Variants in CSMD1 observed in about 807,000 individuals in gnomAD.
The protein encoded by CSMD1 is CUB and Sushi multiple domains 1.
Under a neutral mutation model 417.5 loss-of-function variants are expected in CSMD1, and 213 were observed. The ratio of observed to expected loss-of-function variants is 0.51; its 90% confidence interval spans 0.46 to 0.57. The LOEUF (loss-of-function observed/expected upper bound fraction) is 0.57, where lower values mean the gene tolerates loss of function less well. CSMD1 is among the 20% of genes least tolerant of loss of function. The probability of loss-of-function intolerance (pLI) is 0.00; values close to 1 mark genes in which losing one functional copy is unlikely to be tolerated. For missense variants in CSMD1, 6,923 were observed against 4,529.7 expected, an observed-to-expected ratio of 1.53 and a Z score of -15.17; for synonymous variants, 2,862 against 1,736.8, an observed-to-expected ratio of 1.65 and a Z score of -16.11.
At chr8:3,306,535 C>A (rs1029161362) in intron 25 of CSMD1, among the ~76,000 whole-genome samples, 1 of 152,118 alleles carries the variant, frequency 6.6e-6, no homozygotes, top group Non-Finnish European at 1.5e-5. Flanking sequence ...TGGGCTGATT[C>A]ATTTAGTCTT....
intron 12 of CSMD1, among the ~76,000 whole-genome samples, chr8:3,440,588 G>C (rs1168042743): frequency 1.3e-5 from 2 of 152,092 alleles, no homozygotes; most frequent in Non-Finnish European, 2.9e-5. Flanking sequence ...CACGTTACTT[G>C]CAAGTAGAGT....
intron 1 of CSMD1, among the ~76,000 whole-genome samples, chr8:4,941,971 T>C (rs554237426): frequency 2.0e-5 from 3 of 152,344 alleles, no homozygotes; most frequent in African/African-American, 7.2e-5. Flanking sequence ...TGAGTATGTG[T>C]TGTTTTTAAA....
intron 2 of CSMD1, among the ~76,000 whole-genome samples, chr8:4,484,895 C>T (rs1801288451): frequency 1.4e-5 from 2 of 142,026 alleles, no homozygotes; most frequent in African/African-American, 2.6e-5. Context: ...ATGGCGTGAA[C>T]CCGGGAGGCA....
chr8:3,060,244 C>T (rs1812505356), intron 49 of CSMD1, among the ~76,000 whole-genome samples: 1 of 151,190 alleles, frequency 6.6e-6, no homozygotes, highest in African/African-American at 2.4e-5. Flanking sequence ...CTCCCGAGTT[C>T]AAGCGATTCT....
intron 8 of CSMD1, among the ~76,000 whole-genome samples, chr8:3,610,140 T>C (rs190347485): frequency 1.5e-4 from 23 of 152,248 alleles, no homozygotes; most frequent in Admixed American, 1.4e-3. Context: ...TGTCATTTCA[T>C]CTAAGTGTCA....
chr8:4,344,397 T>C (rs1563076186), intron 3 of CSMD1, among the ~76,000 whole-genome samples: 1 of 152,118 alleles, frequency 6.6e-6, no homozygotes, highest in Non-Finnish European at 1.5e-5. Flanking sequence ...AGAGAGTACC[T>C]ACTATCTTCT....
intron 5 of CSMD1, among the ~76,000 whole-genome samples, chr8:3,867,020 G>A (rs1348284042): frequency 1.3e-5 from 2 of 152,078 alleles, no homozygotes; most frequent in Non-Finnish European, 2.9e-5. Context: ...TTAATTCTGT[G>A]CATTAAATTA....
At chr8:3,257,847 T>C (rs1800775114) in intron 26 of CSMD1, among the ~76,000 whole-genome samples, 1 of 152,102 alleles carries the variant, frequency 6.6e-6, no homozygotes, top group African/African-American at 2.4e-5. Context: ...TGCAAGGGAC[T>C]TGGGGCTTGA....
In CSMD1 at chr8:3,348,075, T is replaced by A; in HGVS notation, c.3391A>T (p.Ile1131Phe). 1.2e-6 allele frequency: 2 copies of A among 1,611,528 alleles called. No homozygotes were observed. The highest frequency in any genetic ancestry group is 1.7e-6 in the Non-Finnish European group (2 of 1,177,986). ...CCGGCTTCTGTTTCTATTTTATAGA[T>A]ACACTCATGGTTATTATCATAATTG... The part of the protein sequence containing the change: ...PSNYDNNHEC[I>F]YKIETEAGKG... The change falls in exon 22 of 70, where the codon ATC becomes TTC. Residue 1131 changes from isoleucine (I) to phenylalanine (F), a missense_variant. Ile to Phe is a conservative substitution (Grantham distance 21). Transcript: ENST00000635120.
At chr8:3,746,185 A>G (rs1797058648) in intron 6 of CSMD1, among the ~76,000 whole-genome samples, 1 of 152,248 alleles carries the variant, frequency 6.6e-6, no homozygotes, top group African/African-American at 2.4e-5. Context: ...GCTGAAAAGA[A>G]TAGCAGTTTA....
At chr8:4,392,267 C>A (rs529874499) in intron 3 of CSMD1, among the ~76,000 whole-genome samples, 57 of 152,226 alleles carry the variant, frequency 3.7e-4, no homozygotes, top group African/African-American at 1.3e-3. Flanking sequence ...GAGTTATTTG[C>A]ATGTAGCTGA....
In CSMD1 at chr8:4,364,787, T is replaced by G. The variant is rs1478574672; in HGVS notation, c.415+55166A>C. 2.8e-5 allele frequency among the ~76,000 whole-genome samples: 2 copies of G among 72,722 alleles called. 1 individual carries two copies. Among genetic ancestry groups the G allele is most frequent in the South Asian group, 1.2e-3 (2 of 1,616 alleles). 47.7% of individuals were successfully genotyped at this position (72,722 alleles called of 152,430 possible). A position where few individuals can be genotyped will look rare whatever the true frequency, so the allele number is the denominator to read the frequency against. On this transcript the variant is annotated intron_variant, in intron 3 of 69. Transcript: ENST00000635120. ...TTGCAGTGAGCCGAGATCCCGCCAC[T>G]GCACTCCAGCCTGCGCGACAGAGCG...
intron 1 of CSMD1, among the ~76,000 whole-genome samples, chr8:4,666,873 CT>C (rs899990178): frequency 1.3e-5 from 2 of 151,980 alleles, no homozygotes; most frequent in African/African-American, 2.4e-5. Context: ...ATTTATCAAA[CT>C]CCTATTTTAG....
chr8:4,709,465 T>C (rs575041292), intron 1 of CSMD1, among the ~76,000 whole-genome samples: 61 of 152,298 alleles, frequency 4.0e-4, no homozygotes, highest in African/African-American at 1.4e-3. Context: ...ACTCTGTCCA[T>C]AGGACGTAAG....
At chr8:3,703,275 T>C (rs958576203) in intron 7 of CSMD1, among the ~76,000 whole-genome samples, 1 of 152,186 alleles carries the variant, frequency 6.6e-6, no homozygotes, top group Non-Finnish European at 1.5e-5. Flanking sequence ...TGCATGTTAA[T>C]GATGAAATGA....
intron 5 of CSMD1, among the ~76,000 whole-genome samples, chr8:3,958,741 G>A (rs1812134085): frequency 6.6e-6 from 1 of 152,146 alleles, no homozygotes; most frequent in South Asian, 2.1e-4. Context: ...AATACTATGG[G>A]TGAGGTCACA....
At chr8:4,381,750 T>G (rs1803119994) in intron 3 of CSMD1, among the ~76,000 whole-genome samples, 1 of 152,242 alleles carries the variant, frequency 6.6e-6, no homozygotes, top group Non-Finnish European at 1.5e-5. Context: ...GATGCTATGT[T>G]TTTTTGTTTT....
At chr8:3,452,144 T>G (rs915182902) in intron 12 of CSMD1, among the ~76,000 whole-genome samples, 1 of 152,236 alleles carries the variant, frequency 6.6e-6, no homozygotes, top group Non-Finnish European at 1.5e-5. Context: ...TAAGAATGCT[T>G]GTGATTTTTG....
intron 7 of CSMD1, among the ~76,000 whole-genome samples, chr8:3,685,080 T>C (rs1799879465): frequency 6.6e-6 from 1 of 152,148 alleles, no homozygotes. Context: ...ATGTCTTCAT[T>C]ATAAAACGAT....
Sources: gnomAD v4.1 joint callset for allele counts (sites outside exome capture counted in the v4.1 genomes callset) on GRCh38, gnomAD v4.1.1 for gene constraint, MANE v1.5 for transcripts, NCBI Gene and HGNC (gene_info 2026-07-23, HGNC 2026-07-21) for gene names.